The following WDFY4 variants were observed in gnomAD, a reference collection of about 807,000 sequenced individuals.
WDFY4 encodes the protein WD repeat- and FYVE domain-containing protein 4.
WDFY4 carries 169 observed loss-of-function variants against 351.9 expected under a neutral mutation model. The ratio of observed to expected loss-of-function variants is 0.48; its 90% confidence interval spans 0.42 to 0.55. WDFY4 has a LOEUF of 0.55. Ranked by LOEUF, WDFY4 falls within the 20% of genes least tolerant of loss-of-function variation. WDFY4 has a pLI of 0.00. For synonymous variants in WDFY4, 1,622 were observed against 1,574.6 expected, an observed-to-expected ratio of 1.03 and a Z score of -0.71; for missense variants, 3,803 against 3,935.6, an observed-to-expected ratio of 0.97 and a Z score of 0.90.
At position 48,959,959 on chromosome 10, in the gene WDFY4, A is replaced by C. The variant is rs2133832807; in HGVS notation, c.8223+146A>C. 5 of 737,610 alleles carry C rather than the reference A, an allele frequency of 6.8e-6. No homozygotes were observed. In the East Asian group the frequency reaches 1.1e-4, roughly 17 times the overall value. The allele number at this position is 737,610 out of a possible 1,614,324, so 45.7% of individuals were successfully genotyped here. A position where few individuals can be genotyped will look rare whatever the true frequency, so the allele number is the denominator to read the frequency against. On this transcript the variant is annotated intron_variant, in intron 53 of 61. Coordinates refer to ENST00000325239, the MANE Select transcript of WDFY4 (RefSeq NM_001394531.1). ...AACCCAGAGAAGGGATGGGGTCTAT[A>C]CCTTAGGTTGGCAAGGAAAGGCTTG...
intron 22 of WDFY4, among the ~76,000 whole-genome samples, 179 bp downstream of exon 22, chr10:48,790,164 G>A (rs1234020946): frequency 1.3e-5 from 2 of 152,244 alleles, no homozygotes; most frequent in African/African-American, 2.4e-5. Flanking sequence ...AAAGCATGAG[G>A]ATCTGTTCAC....
intron 13 of WDFY4, among the ~76,000 whole-genome samples, chr10:48,764,198 T>C (rs766256296): frequency 2.6e-5 from 4 of 152,228 alleles, no homozygotes; most frequent in Non-Finnish European, 5.9e-5. Flanking sequence ...CTTAACCTTA[T>C]GGGTGTTCTC....
At chr10:48,823,203 A>G (rs747442349) in intron 35 of WDFY4, 15 of 1,303,414 alleles carry the variant, frequency 1.2e-5, no homozygotes, top group African/African-American at 3.0e-5. Context: ...ATTACAAGCT[A>G]GAGACTTTTC....
At chr10:48,926,059 T>C (rs949721894) in intron 47 of WDFY4, among the ~76,000 whole-genome samples, 1 of 152,204 alleles carries the variant, frequency 6.6e-6, no homozygotes, top group East Asian at 1.9e-4. Context: ...AATCTTTCTA[T>C]ACACTGTGCC....
At position 48,981,363 on chromosome 10, in the gene WDFY4, A is replaced by C. The variant is rs762330204; in HGVS notation, c.9377-4A>C. 4.5e-6 allele frequency: 7 copies of C among 1,551,664 alleles called. No individual in the cohort carries two copies. Among genetic ancestry groups the C allele is most frequent in the Non-Finnish European group, 6.1e-6 (7 of 1,146,910 alleles). On this transcript the variant is annotated splice_polypyrimidine_tract_variant and splice_region_variant and intron_variant, in intron 60 of 61. Transcript: ENST00000325239. ...CTAACTCTTCTCTCACATGCTCCAC[A>C]CAGGCCACAAGTGGGAGAAGAACCT...
intron 47 of WDFY4, among the ~76,000 whole-genome samples, chr10:48,922,643 G>C (rs1291414069): frequency 6.6e-6 from 1 of 152,160 alleles, no homozygotes; most frequent in Admixed American, 6.5e-5. Context: ...AGTGGTTTCA[G>C]GTATTCAATG....
chr10:48,743,210 C>T lies in WDFY4; in HGVS notation c.2121C>T (p.Leu707=). The T allele has an allele frequency of 6.4e-7, 1 of 1,551,718 alleles. No individual in the cohort carries two copies. Among genetic ancestry groups the T allele is most frequent in the Non-Finnish European group, 8.7e-7 (1 of 1,147,002 alleles). The change falls in exon 12 of 62, where the codon CTC becomes CTT. Residue 707 remains leucine (L), a synonymous_variant. Coordinates refer to ENST00000325239, the MANE Select transcript of WDFY4 (RefSeq NM_001394531.1). ...GCTACTTCTTCAGGAGGAATGGGCT[C>T]TTTGAGAAGCTGGCCGAGGACCTCT... ...VNGYFFRRNG[L]FEKLAEDLCL... is the part of the protein sequence containing the mutation.
intron 39 of WDFY4, among the ~76,000 whole-genome samples, chr10:48,861,279 C>A (rs2069333222): frequency 6.6e-6 from 1 of 152,108 alleles, no homozygotes; most frequent in African/African-American, 2.4e-5. Flanking sequence ...ATTTATGTTG[C>A]TTACTATATT....
At chr10:48,734,448 A>G (rs939049445) in intron 10 of WDFY4, among the ~76,000 whole-genome samples, 55 of 152,128 alleles carry the variant, frequency 3.6e-4, no homozygotes, top group African/African-American at 1.3e-3. Context: ...TGATGCACTT[A>G]GCAATGTAAT....
chr10:48,909,466 T>C (rs1778423165), intron 47 of WDFY4: 1 of 151,364 alleles, frequency 6.6e-6, no homozygotes, highest in South Asian at 2.1e-4. Context: ...TGTAAAGGAA[T>C]ACTTAAGGCT....
intron 12 of WDFY4, among the ~76,000 whole-genome samples, chr10:48,759,040 T>C (rs1021568950): frequency 6.6e-6 from 1 of 151,970 alleles, no homozygotes; most frequent in African/African-American, 2.4e-5. Flanking sequence ...TTAATGAATA[T>C]ATATATATAT....
intron 40 of WDFY4, among the ~76,000 whole-genome samples, chr10:48,871,765 C>A (rs2069793629): frequency 6.6e-6 from 1 of 152,142 alleles, no homozygotes; most frequent in Non-Finnish European, 1.5e-5. Flanking sequence ...GCATGCAATA[C>A]AATGTACATC....
At chr10:48,814,835 A>G (rs979606214) in intron 31 of WDFY4, among the ~76,000 whole-genome samples, 22 of 152,250 alleles carry the variant, frequency 1.4e-4, no homozygotes, top group African/African-American at 5.1e-4. Context: ...AATTTGGTGG[A>G]ATCTTTCCAG....
intron 47 of WDFY4, among the ~76,000 whole-genome samples, chr10:48,939,270 G>A (rs1182077163): frequency 1.3e-5 from 2 of 152,196 alleles, no homozygotes; most frequent in South Asian, 2.1e-4. Context: ...TGTCAACATC[G>A]CCAGGACCAC....
chr10:48,816,274 A>G (rs553300290), intron 31 of WDFY4, among the ~76,000 whole-genome samples: 3 of 152,300 alleles, frequency 2.0e-5, no homozygotes, highest in African/African-American at 7.2e-5. Flanking sequence ...GTGGATTTAT[A>G]TAAATAACCA....
intron 18 of WDFY4, 65 bp from the exon 19 acceptor site, chr10:48,779,876 C>T: frequency 6.5e-7 from 1 of 1,531,846 alleles, no homozygotes; most frequent in South Asian, 1.2e-5. Flanking sequence ...TATGCCCTCC[C>T]CATTCTCCTG....
intron 1 of WDFY4, among the ~76,000 whole-genome samples, chr10:48,703,346 T>C (rs1003930025): frequency 1.3e-5 from 2 of 152,298 alleles, no homozygotes; most frequent in East Asian, 3.9e-4. Context: ...CTATTTTGTA[T>C]CATCTGGTTT....
At chr10:48,939,388 G>GGAT (rs1224610185) in intron 47 of WDFY4, among the ~76,000 whole-genome samples, 1 of 152,196 alleles carries the variant, frequency 6.6e-6, no homozygotes, top group Non-Finnish European at 1.5e-5. Context: ...TGTGTTGCAA[G>GGAT]GATGATATGG....
At chr10:48,947,316 T>A (rs1341475420) in intron 51 of WDFY4, among the ~76,000 whole-genome samples, 7 of 152,082 alleles carry the variant, frequency 4.6e-5, no homozygotes, top group Admixed American at 4.6e-4. Context: ...GGTCAAGGAT[T>A]AGAAAAATAA....
Sources: allele counts gnomAD v4.1 joint callset (sites outside exome capture counted in the v4.1 genomes callset), GRCh38; gene constraint gnomAD v4.1.1; transcripts MANE v1.5; gene names NCBI Gene and HGNC (gene_info 2026-07-23, HGNC 2026-07-21).